ARHGAP15: variants seen among roughly 807,000 people sequenced by gnomAD.
ARHGAP15 encodes the protein rho GTPase-activating protein 15.
ARHGAP15 carries 51 observed loss-of-function variants against 63.7 expected under a neutral mutation model. That is an observed-to-expected ratio of 0.80 (90% confidence interval 0.64 to 1.01). The LOEUF is 1.01. Ranked by LOEUF, ARHGAP15 falls within the 50% of genes least tolerant of loss-of-function variation. The probability of loss-of-function intolerance (pLI) is 0.00; values close to 1 mark genes in which losing one functional copy is unlikely to be tolerated. For synonymous variants in ARHGAP15, 191 were observed against 193.8 expected (o/e 0.99, Z 0.12); for missense variants, 560 against 564.6 (o/e 0.99, Z 0.08).
chr2:143,759,463 G>A (rs1487173469), intron 13 of ARHGAP15, among the ~76,000 whole-genome samples: 1 of 152,076 alleles, frequency 6.6e-6, no homozygotes, highest in East Asian at 1.9e-4. Context: ...GTTGTATGTA[G>A]ATACATTATA....
At chr2:143,582,233 G>C (rs1197079446) in intron 11 of ARHGAP15, among the ~76,000 whole-genome samples, 5 of 152,110 alleles carry the variant, frequency 3.3e-5, no homozygotes, top group Non-Finnish European at 7.4e-5. Flanking sequence ...TTTTATTAGG[G>C]GGGCAGGGAA....
intron 12 of ARHGAP15, among the ~76,000 whole-genome samples, chr2:143,702,424 T>C (rs550853542): frequency 1.3e-5 from 2 of 152,324 alleles, no homozygotes; most frequent in African/African-American, 2.4e-5. Context: ...TTTTTTCTGT[T>C]TTACCCTCTT....
intron 11 of ARHGAP15, among the ~76,000 whole-genome samples, chr2:143,615,960 G>T (rs1698436917): frequency 6.6e-6 from 1 of 152,156 alleles, no homozygotes; most frequent in African/African-American, 2.4e-5. Flanking sequence ...AGAGTTGGAA[G>T]CTCTGAGTAA....
At chr2:143,566,384 C>T (rs1247263470) in intron 11 of ARHGAP15, among the ~76,000 whole-genome samples, 1 of 152,014 alleles carries the variant, frequency 6.6e-6, no homozygotes, top group Non-Finnish European at 1.5e-5. Flanking sequence ...TAAAGAGCTC[C>T]CACTAGATGC....
intron 6 of ARHGAP15, among the ~76,000 whole-genome samples, chr2:143,250,898 T>C (rs1371276706): frequency 6.6e-6 from 1 of 152,066 alleles, no homozygotes; most frequent in African/African-American, 2.4e-5. Context: ...ATGGGATGTT[T>C]GACTTAAGTA....
chr2:143,283,374 A>G (rs72851560), intron 6 of ARHGAP15, among the ~76,000 whole-genome samples: 3,197 of 152,302 alleles, frequency 0.021, 49 homozygotes, highest in Non-Finnish European at 0.032. Context: ...TTTAAAGTAG[A>G]GATGATCTGT....
At chr2:143,638,158 C>A (rs1680418869) in intron 12 of ARHGAP15, among the ~76,000 whole-genome samples, 1 of 146,970 alleles carries the variant, frequency 6.8e-6, no homozygotes, top group Non-Finnish European at 1.5e-5. Context: ...TGGGTATATA[C>A]CCAAAGGACT....
intron 6 of ARHGAP15, among the ~76,000 whole-genome samples, chr2:143,304,747 A>G (rs1385281825): frequency 6.6e-6 from 1 of 152,170 alleles, no homozygotes; most frequent in Non-Finnish European, 1.5e-5. Context: ...ACTGGTCATT[A>G]GAGAAATGCA....
chr2:143,566,486 A>G (rs1454281776), intron 11 of ARHGAP15, among the ~76,000 whole-genome samples: 4 of 152,026 alleles, frequency 2.6e-5, no homozygotes, highest in South Asian at 2.1e-4. Context: ...GGACATTGCA[A>G]TCTATCAGCT....
chr2:143,548,198 T>A lies in ARHGAP15; in HGVS notation c.926-8210T>A, dbSNP rs150581046. Among the ~76,000 whole-genome samples the A allele has an allele frequency of 5.4e-4, 82 of 152,212 alleles. 1 individual carries two copies. The East Asian group carries it at 5.8e-3, about 11-fold the overall frequency. Reference sequence around the variant, plus strand: ...GCAAGAAAACAATCTTATTTCCTCATATTAACAAATTGAAGTAACAGGGGC... The same window carrying A: ...GCAAGAAAACAATCTTATTTCCTCAAATTAACAAATTGAAGTAACAGGGGC... On this transcript the variant is annotated intron_variant, in intron 10 of 13. Transcript: ENST00000295095.
intron 11 of ARHGAP15, among the ~76,000 whole-genome samples, chr2:143,584,884 C>A (rs1474002349): frequency 6.6e-6 from 1 of 152,074 alleles, no homozygotes; most frequent in Non-Finnish European, 1.5e-5. Context: ...GAACCAGTGG[C>A]AGGTAAAATT....
At chr2:143,175,124 T>C (rs909281183) in intron 2 of ARHGAP15, among the ~76,000 whole-genome samples, 2 of 152,018 alleles carry the variant, frequency 1.3e-5, no homozygotes, top group Non-Finnish European at 1.5e-5. Flanking sequence ...CCACAGAGGG[T>C]TAAAAAATAG....
intron 1 of ARHGAP15, among the ~76,000 whole-genome samples, chr2:143,142,546 A>G (rs545295393): frequency 6.6e-6 from 1 of 152,256 alleles, no homozygotes; most frequent in Admixed American, 6.5e-5. Flanking sequence ...TGACTAAGTC[A>G]TAACAAATAC....
At chr2:143,529,787 C>G (rs921532383) in intron 10 of ARHGAP15, among the ~76,000 whole-genome samples, 14 of 152,164 alleles carry the variant, frequency 9.2e-5, no homozygotes, top group South Asian at 2.1e-4. Flanking sequence ...CCATAACCAT[C>G]CCGCCATGAT....
chr2:143,380,375 C>T (rs1487975280), intron 6 of ARHGAP15, among the ~76,000 whole-genome samples: 3 of 152,098 alleles, frequency 2.0e-5, no homozygotes, highest in East Asian at 1.9e-4. Flanking sequence ...TCAATCCTCA[C>T]GTCAACCATA....
At chr2:143,231,218 T>C (rs899156051) in intron 5 of ARHGAP15, among the ~76,000 whole-genome samples, 5 of 151,946 alleles carry the variant, frequency 3.3e-5, no homozygotes, top group African/African-American at 1.2e-4. Context: ...AAATACATAA[T>C]GAACAAAAAA....
intron 6 of ARHGAP15, among the ~76,000 whole-genome samples, chr2:143,432,689 C>G (rs1158533370): frequency 6.6e-6 from 1 of 152,014 alleles, no homozygotes; most frequent in Admixed American, 6.6e-5. Context: ...TTCAGATGGA[C>G]CCTTATTTAG....
intron 8 of ARHGAP15, among the ~76,000 whole-genome samples, chr2:143,482,500 A>G (rs1473323776): frequency 6.6e-6 from 1 of 152,198 alleles, no homozygotes; most frequent in Non-Finnish European, 1.5e-5. Context: ...AATGGAAGGA[A>G]CACTGTTCTG....
At chr2:143,754,837 G>T (rs1159164380) in intron 13 of ARHGAP15, among the ~76,000 whole-genome samples, 1 of 152,142 alleles carries the variant, frequency 6.6e-6, no homozygotes, top group Non-Finnish European at 1.5e-5. Context: ...TCCATATTTT[G>T]GCTGCAGCTC....
Sources: gnomAD v4.1 joint callset for allele counts (sites outside exome capture counted in the v4.1 genomes callset) on GRCh38, gnomAD v4.1.1 for gene constraint, MANE v1.5 for transcripts, NCBI Gene and HGNC (gene_info 2026-07-23, HGNC 2026-07-21) for gene names.